Variants in PACRG observed in about 807,000 individuals in gnomAD.
PACRG encodes parkin coregulated gene protein.
PACRG carries 29 observed loss-of-function variants against 29.7 expected under a neutral mutation model. The observed-to-expected ratio is 0.98, with a 90% CI of 0.73 to 1.33. PACRG has a LOEUF of 1.33. Ranked by LOEUF, PACRG falls within the 40% of genes most tolerant of loss-of-function variation. The pLI, the probability that PACRG is intolerant of heterozygous loss-of-function variation, is 0.00. For synonymous variants in PACRG, 116 were observed against 118.7 expected (o/e 0.98, Z 0.15); for missense variants, 279 against 316.2 (o/e 0.88, Z 0.89).
chr6:163,209,047 T>C (rs578159024), intron 4 of PACRG, among the ~76,000 whole-genome samples: 1 of 152,304 alleles, frequency 6.6e-6, no homozygotes, highest in Non-Finnish European at 1.5e-5. Flanking sequence ...AAGTAATCTA[T>C]AGGCTGGCAC....
At chr6:162,960,128 G>A (rs1376896389) in intron 2 of PACRG, among the ~76,000 whole-genome samples, 2 of 152,138 alleles carry the variant, frequency 1.3e-5, no homozygotes, top group Non-Finnish European at 2.9e-5. Context: ...AAGCTGTGGA[G>A]AAAAAAGAAA....
At chr6:163,271,161 A>G (rs371365435) in intron 4 of PACRG, among the ~76,000 whole-genome samples, 7 of 152,114 alleles carry the variant, frequency 4.6e-5, no homozygotes, top group African/African-American at 1.7e-4. Flanking sequence ...AGCACGGGAG[A>G]AAGATGAAGG....
intron 2 of PACRG, among the ~76,000 whole-genome samples, chr6:162,995,094 C>T (rs1341212287): frequency 8.1e-4 from 123 of 151,068 alleles, no homozygotes; most frequent in Non-Finnish European, 1.3e-3. Context: ...GGCAGTCCGC[C>T]CGTTCTCAGA....
chr6:163,174,783 T>C (rs1380270896), intron 4 of PACRG, among the ~76,000 whole-genome samples: 1 of 152,190 alleles, frequency 6.6e-6, no homozygotes, highest in East Asian at 1.9e-4. Context: ...ATCATCATTA[T>C]TGTTACTGTT....
intron 2 of PACRG, among the ~76,000 whole-genome samples, chr6:162,857,741 G>C (rs1356094975): frequency 2.0e-5 from 3 of 150,114 alleles, no homozygotes; most frequent in Non-Finnish European, 4.4e-5. Flanking sequence ...CTTTAGCTCT[G>C]AATTCTCCAG....
At chr6:162,731,766 C>T (rs1398176351) in intron 1 of PACRG, among the ~76,000 whole-genome samples, 2 of 152,070 alleles carry the variant, frequency 1.3e-5, no homozygotes, top group African/African-American at 4.8e-5. Context: ...TCATTTAACA[C>T]GTAGTGGTAA....
intron 2 of PACRG, among the ~76,000 whole-genome samples, chr6:162,948,847 C>T (rs1480089483): frequency 6.6e-6 from 1 of 151,948 alleles, no homozygotes; most frequent in African/African-American, 2.4e-5. Context: ...TATCATCTTA[C>T]TCCAGTGAAA....
At chr6:163,303,256 C>T (rs757631569) in intron 4 of PACRG, among the ~76,000 whole-genome samples, 41 of 151,970 alleles carry the variant, frequency 2.7e-4, no homozygotes, top group Non-Finnish European at 5.7e-4. Flanking sequence ...CCCAGGATGC[C>T]GGGATTGCAG....
chr6:162,910,748 T>C (rs1796246435), intron 2 of PACRG, among the ~76,000 whole-genome samples: 1 of 152,182 alleles, frequency 6.6e-6, no homozygotes, highest in African/African-American at 2.4e-5. Flanking sequence ...ATTACCTAAA[T>C]AGAGGCAGTG....
chr6:163,301,727 T>C (rs2128190249), intron 4 of PACRG, among the ~76,000 whole-genome samples: 1 of 152,334 alleles, frequency 6.6e-6, no homozygotes, highest in Middle Eastern at 3.4e-3. Flanking sequence ...GCCAGTCTAC[T>C]CTTATCTGGG....
rs368476582 is a variant in PACRG at position 163,265,766 on chromosome 6, G to A, written c.614-49061G>A. 1.4e-4 allele frequency among the ~76,000 whole-genome samples: 22 copies of A among 152,136 alleles called. 1 individual carries two copies. Among genetic ancestry groups the A allele is most frequent in the Admixed American group, 4.6e-4 (7 of 15,280 alleles). On this transcript the variant is annotated intron_variant, in intron 4 of 4. Coordinates refer to ENST00000366888, the MANE Select transcript of PACRG (RefSeq NM_001080379.2). ...ACAGTTAATTTCTAAGTAGCTAGTTGACATGTTAATGATCGAGGTTAAATA... is the reference window on the plus strand; with the variant it reads ...ACAGTTAATTTCTAAGTAGCTAGTTAACATGTTAATGATCGAGGTTAAATA...
At chr6:162,927,452 C>T (rs1182705260) in intron 2 of PACRG, among the ~76,000 whole-genome samples, 2 of 152,056 alleles carry the variant, frequency 1.3e-5, no homozygotes, top group Non-Finnish European at 2.9e-5. Context: ...TACATATACA[C>T]CATGGAATAC....
chr6:162,795,474 A>G (rs1440919191), intron 1 of PACRG, among the ~76,000 whole-genome samples: 3 of 152,286 alleles, frequency 2.0e-5, no homozygotes, highest in East Asian at 3.9e-4. Flanking sequence ...TTTATTGAAT[A>G]TGCAAAATTA....
chr6:163,125,053 T>G (rs187253531), intron 4 of PACRG, among the ~76,000 whole-genome samples: 1 of 152,290 alleles, frequency 6.6e-6, no homozygotes, highest in East Asian at 1.9e-4. Flanking sequence ...AACGGAAGGA[T>G]AAGTCATAAG....
At chr6:163,008,173 C>T (rs916115143) in intron 2 of PACRG, among the ~76,000 whole-genome samples, 2 of 152,104 alleles carry the variant, frequency 1.3e-5, no homozygotes, top group Non-Finnish European at 1.5e-5. Context: ...TTCCCCCTAA[C>T]GCAAATGCAC....
At chr6:162,986,928 T>G (rs918144585) in intron 2 of PACRG, among the ~76,000 whole-genome samples, 7 of 135,836 alleles carry the variant, frequency 5.2e-5, no homozygotes, top group Admixed American at 2.8e-4. Context: ...TTATCCTGTA[T>G]TTTTTTTCAA....
chr6:163,109,618 GA>G, intron 4 of PACRG, among the ~76,000 whole-genome samples: 1 of 152,192 alleles, frequency 6.6e-6, no homozygotes, highest in Non-Finnish European at 1.5e-5. Context: ...GTAGGAAAGA[GA>G]AAAATCAACT....
At chr6:163,118,063 T>A (rs1196329233) in intron 4 of PACRG, among the ~76,000 whole-genome samples, 1 of 152,202 alleles carries the variant, frequency 6.6e-6, no homozygotes, top group Non-Finnish European at 1.5e-5. Context: ...AGTAATTCAT[T>A]ATGTGGCATT....
intron 1 of PACRG, among the ~76,000 whole-genome samples, chr6:162,734,991 G>A (rs1380119167): frequency 6.6e-6 from 1 of 152,292 alleles, no homozygotes; most frequent in Non-Finnish European, 1.5e-5. Flanking sequence ...CATAAAGTAT[G>A]TAATTGTTTT....
Sources: gnomAD v4.1 joint callset for allele counts (sites outside exome capture counted in the v4.1 genomes callset) on GRCh38, gnomAD v4.1.1 for gene constraint, MANE v1.5 for transcripts, NCBI Gene and HGNC (gene_info 2026-07-23, HGNC 2026-07-21) for gene names.